ZDHHC14: variants seen among roughly 807,000 people sequenced by gnomAD.
ZDHHC14 encodes zDHHC palmitoyltransferase 14, also known as palmitoyltransferase ZDHHC14.
A neutral mutation model predicts 47.7 loss-of-function variants in ZDHHC14; 16 were observed. The ratio of observed to expected loss-of-function variants is 0.34; its 90% CI spans 0.23 to 0.51. The LOEUF is 0.51. ZDHHC14 is among the 20% of genes least tolerant of loss of function. The pLI, the probability that ZDHHC14 is intolerant of heterozygous loss-of-function variation, is 0.97. For synonymous variants in ZDHHC14, 293 were observed against 278.9 expected (o/e 1.05, Z -0.50); for missense variants, 515 against 662.5 (o/e 0.78, Z 2.44).
At chr6:157,651,855 A>C (rs1009292774) in intron 7 of ZDHHC14, among the ~76,000 whole-genome samples, 1 of 152,114 alleles carries the variant, frequency 6.6e-6, no homozygotes, top group African/African-American at 2.4e-5. Flanking sequence ...TACAGGCGTG[A>C]GCCACTGCGC....
chr6:157,499,558 A>G (rs1379640493), intron 1 of ZDHHC14, among the ~76,000 whole-genome samples: 1 of 151,658 alleles, frequency 6.6e-6, no homozygotes, highest in Non-Finnish European at 1.5e-5. Context: ...TTCGCTCCAT[A>G]GCAAACAGCA....
intron 2 of ZDHHC14, among the ~76,000 whole-genome samples, chr6:157,552,244 G>A (rs556350351): frequency 2.6e-5 from 4 of 152,198 alleles, no homozygotes; most frequent in South Asian, 2.1e-4. Flanking sequence ...ATGATGGAAC[G>A]GTAGCTCTTT....
At chr6:157,424,255 A>T (rs550662504) in intron 1 of ZDHHC14, among the ~76,000 whole-genome samples, 3 of 152,050 alleles carry the variant, frequency 2.0e-5, no homozygotes, top group Non-Finnish European at 4.4e-5. Flanking sequence ...TTAAAGGGAT[A>T]TTGCTGTGAT....
chr6:157,639,005 G>T lies in ZDHHC14; in HGVS notation c.752+6123G>T, dbSNP rs145503974. On this transcript the variant is annotated intron_variant, in intron 5 of 8. Transcript: ENST00000359775. ...GCAGGGCCATGCCTGGCATCCTGGT[G>T]TTGTGCCCACGCACTCCACATTGGG... Among the ~76,000 whole-genome samples, 1,228 of 152,364 alleles carry T rather than the reference G, an allele frequency of 8.1e-3. 20 individuals carry two copies. The highest frequency in any genetic ancestry group is 0.028 in the African/African-American group (1,148 of 41,578).
At chr6:157,585,551 A>C (rs528371948) in intron 2 of ZDHHC14, among the ~76,000 whole-genome samples, 2 of 152,306 alleles carry the variant, frequency 1.3e-5, no homozygotes, top group South Asian at 2.1e-4. Flanking sequence ...ATGATTGGCC[A>C]CTGGCCTCAG....
intron 1 of ZDHHC14, among the ~76,000 whole-genome samples, chr6:157,398,878 A>G (rs1018506311): frequency 1.3e-5 from 2 of 152,342 alleles, no homozygotes; most frequent in South Asian, 4.1e-4. Context: ...TATGTGTCTG[A>G]CAGTAAACAT....
intron 1 of ZDHHC14, among the ~76,000 whole-genome samples, chr6:157,522,983 T>TCCTTCCTTCCTTCCTTCC (rs1562461110): frequency 3.7e-4 from 13 of 34,996 alleles, no homozygotes; most frequent in African/African-American, 2.3e-3. Flanking sequence ...TTCTTTTCTT[T>TCCTTCCTTCCTTCCTTCC]TTCTTTTCTT....
intron 8 of ZDHHC14, among the ~76,000 whole-genome samples, chr6:157,660,749 A>G (rs2115002210): frequency 6.6e-6 from 1 of 152,334 alleles, no homozygotes; most frequent in Middle Eastern, 3.4e-3. Context: ...GCCACTATTG[A>G]GAACCATCGA....
In ZDHHC14 at chr6:157,421,059, A is replaced by AT. The variant is rs530022450; in HGVS notation, c.245+38802dup. 1.7e-4 allele frequency among the ~76,000 whole-genome samples: 25 copies of AT among 151,448 alleles called. No homozygotes were observed. In the East Asian group the frequency reaches 2.5e-3, roughly 15 times the overall value. On this transcript the variant is annotated intron_variant, in intron 1 of 8. Transcript: ENST00000359775. ...CTTTTTTAGTAAGGCACTTCAGTTT[A>AT]TTTTTTTTTGTAGCAAATCCTCAGT...
intron 2 of ZDHHC14, among the ~76,000 whole-genome samples, chr6:157,584,685 G>A (rs1343341175): frequency 6.6e-6 from 1 of 152,168 alleles, no homozygotes; most frequent in Admixed American, 6.5e-5. Flanking sequence ...TCAACGGGCA[G>A]CTTCCCATCC....
intron 1 of ZDHHC14, among the ~76,000 whole-genome samples, chr6:157,456,941 G>C (rs1002994336): frequency 6.6e-6 from 1 of 151,922 alleles, no homozygotes; most frequent in Non-Finnish European, 1.5e-5. Context: ...CTGATGTCAG[G>C]AGTTCGAGAG....
At chr6:157,664,498 C>T (rs1293708612) in intron 8 of ZDHHC14, among the ~76,000 whole-genome samples, 6 of 152,194 alleles carry the variant, frequency 3.9e-5, no homozygotes, top group East Asian at 1.9e-4. Context: ...TATTATGTTT[C>T]GTTAGTACAG....
chr6:157,520,365 C>T (rs1780870733), intron 1 of ZDHHC14, among the ~76,000 whole-genome samples: 1 of 152,216 alleles, frequency 6.6e-6, no homozygotes, highest in Non-Finnish European at 1.5e-5. Flanking sequence ...CTGGTAGTCA[C>T]AGTTTATGCC....
At chr6:157,445,388 G>A (rs1562427582) in intron 1 of ZDHHC14, among the ~76,000 whole-genome samples, 1 of 152,162 alleles carries the variant, frequency 6.6e-6, no homozygotes, top group African/African-American at 2.4e-5. Flanking sequence ...AGAAATAGAT[G>A]AAAACCTGGT....
chr6:157,433,556 TC>T lies in ZDHHC14; in HGVS notation c.245+51292del, dbSNP rs375122564. Among the ~76,000 whole-genome samples the T allele has an allele frequency of 3.3e-4, 50 of 152,308 alleles. No individual in the cohort carries two copies. The East Asian group carries it at 8.7e-3, about 26-fold the overall frequency. On this transcript the variant is annotated intron_variant, in intron 1 of 8. Transcript: ENST00000359775. ...AGAGTCCTGGGCAAACCACTTACCCTCCACGGGACTGTTTTGTCCTGGTTAC... is the reference window on the plus strand; with the variant it reads ...AGAGTCCTGGGCAAACCACTTACCCTCACGGGACTGTTTTGTCCTGGTTAC...
At chr6:157,592,794 C>A in intron 2 of ZDHHC14, 194 bp from the exon 3 acceptor site, 1 of 1,407,886 alleles carries the variant, frequency 7.1e-7, no homozygotes, top group African/African-American at 1.5e-5. Flanking sequence ...GGCCCCTGCA[C>A]GTGTGCAACG....
rs1778086269 is a variant in ZDHHC14, at chr6:157,420,877, C to T, written c.245+38611C>T. Among the ~76,000 whole-genome samples, 2 of 152,188 alleles carry T rather than the reference C, an allele frequency of 1.3e-5. 1 individual carries two copies. The highest frequency in any genetic ancestry group is 4.1e-4 in the South Asian group (2 of 4,828). On this transcript the variant is annotated intron_variant, in intron 1 of 8. Coordinates refer to ENST00000359775, the MANE Select transcript of ZDHHC14 (RefSeq NM_024630.3). ...ACATTGCGCTCCTCTTCCTTGGCAACAGAGCCCTGTGCGGTAGGCCTCAGG... is the reference window on the plus strand; with the variant it reads ...ACATTGCGCTCCTCTTCCTTGGCAATAGAGCCCTGTGCGGTAGGCCTCAGG...
intron 1 of ZDHHC14, among the ~76,000 whole-genome samples, chr6:157,447,504 C>T (rs891004554): frequency 6.6e-6 from 1 of 152,088 alleles, no homozygotes; most frequent in Non-Finnish European, 1.5e-5. Flanking sequence ...GGGTCGGGGA[C>T]TGTATGGAAG....
chr6:157,612,530 C>T (rs1246865183), intron 3 of ZDHHC14, among the ~76,000 whole-genome samples: 1 of 152,248 alleles, frequency 6.6e-6, no homozygotes, highest in African/African-American at 2.4e-5. Context: ...CTCAGGGAAG[C>T]CTGCCACTGC....
Sources: allele counts gnomAD v4.1 joint callset (sites outside exome capture counted in the v4.1 genomes callset), GRCh38; gene constraint gnomAD v4.1.1; transcripts MANE v1.5; gene names NCBI Gene and HGNC (gene_info 2026-07-23, HGNC 2026-07-21).